Variants in KSR1 observed in about 807,000 individuals in gnomAD.
KSR1 encodes kinase suppressor of ras 1, also known as kinase suppressor of ras.
Under a neutral mutation model 92.9 loss-of-function variants are expected in KSR1, and 35 were observed. That is an observed-to-expected ratio of 0.38 (90% CI 0.29 to 0.50). KSR1 has a LOEUF of 0.50. Among genes scored for constraint, KSR1 ranks in the 20% least tolerant of loss-of-function variants. The pLI is 0.94. For missense variants in KSR1, 972 were observed against 1,158.5 expected (o/e 0.84, Z 2.34); for synonymous variants, 467 against 472.6 (o/e 0.99, Z 0.15).
At chr17:27,525,934 C>T (rs926816982) in intron 1 of KSR1, among the ~76,000 whole-genome samples, 1 of 151,986 alleles carries the variant, frequency 6.6e-6, no homozygotes, top group African/African-American at 2.4e-5. Context: ...GAACAGTTTG[C>T]GTGGAAGGTG....
chr17:27,458,728 T>C (rs976707783), intron 1 of KSR1, among the ~76,000 whole-genome samples: 2 of 152,142 alleles, frequency 1.3e-5, no homozygotes, highest in Admixed American at 6.5e-5. Flanking sequence ...TGATGTGGAT[T>C]CGGGTTCACT....
intron 10 of KSR1, among the ~76,000 whole-genome samples, chr17:27,598,166 C>T (rs1400819114): frequency 6.6e-6 from 1 of 152,176 alleles, no homozygotes; most frequent in Non-Finnish European, 1.5e-5. Flanking sequence ...TGGGACTGAG[C>T]TGCTGCCTCG....
At chr17:27,597,046 G>A (rs2073366126) in intron 9 of KSR1, among the ~76,000 whole-genome samples, 1 of 152,242 alleles carries the variant, frequency 6.6e-6, no homozygotes, top group Non-Finnish European at 1.5e-5. Context: ...GTGTGCTTGA[G>A]CTGAAATCAG....
intron 1 of KSR1, among the ~76,000 whole-genome samples, chr17:27,535,242 T>G (rs960289425): frequency 6.6e-6 from 1 of 152,210 alleles, no homozygotes; most frequent in African/African-American, 2.4e-5. Context: ...AGCCTTGGTT[T>G]GCAGTGAGGA....
intron 1 of KSR1, among the ~76,000 whole-genome samples, chr17:27,478,068 G>A (rs2068398398): frequency 6.6e-6 from 1 of 152,184 alleles, no homozygotes; most frequent in Admixed American, 6.5e-5. Context: ...AAAGGAAGGA[G>A]TTCTTCTTTC....
chr17:27,605,696 A>G lies in KSR1; in HGVS notation c.1877A>G (p.Gln626Arg), dbSNP rs948358242. The G allele has an allele frequency of 6.2e-7, 1 of 1,612,982 alleles. No homozygotes were observed. Among genetic ancestry groups the G allele is most frequent in the African/African-American group, 1.3e-5 (1 of 75,080 alleles). ...CTGCTGGAGATGGACGGCCACAACC[A>G]GGACCACCTGAAGCTCTTCAAGAAA... Reference protein sequence around the residue: ...IRLLEMDGHNQDHLKLFKKEV... With the variant: ...IRLLEMDGHNRDHLKLFKKEV... Residue 626 changes from glutamine to arginine, a missense_variant, in exon 14 of 21, where the codon CAG becomes CGG. Around this residue, in one of 5 missense-constraint regions of KSR1, gnomAD observed 260 missense variants for 375.2 expected, o/e 0.69. Transcript: ENST00000644974.
intron 2 of KSR1, among the ~76,000 whole-genome samples, chr17:27,564,051 C>T (rs185914574): frequency 1.2e-3 from 156 of 127,662 alleles, no homozygotes; most frequent in African/African-American, 4.2e-3. Flanking sequence ...TGCAATGGCA[C>T]GATCTCGGCT....
intron 19 of KSR1, 67 bp from the exon 20 acceptor site, chr17:27,621,126 C>T: frequency 2.5e-6 from 1 of 398,606 alleles, no homozygotes; most frequent in East Asian, 3.6e-5. Context: ...GTGCCTGACT[C>T]CATCACATGC....
chr17:27,514,063 G>A (rs546185751), intron 1 of KSR1, among the ~76,000 whole-genome samples: 22 of 152,370 alleles, frequency 1.4e-4, no homozygotes, highest in African/African-American at 4.1e-4. Flanking sequence ...CCATTGTGGC[G>A]CTAACGCCTT....
At chr17:27,552,941 C>T in intron 2 of KSR1, among the ~76,000 whole-genome samples, 1 of 152,142 alleles carries the variant, frequency 6.6e-6, no homozygotes, top group Non-Finnish European at 1.5e-5. Flanking sequence ...GACCATTTTC[C>T]CCACCTCACA....
chr17:27,558,365 C>G (rs1296370668), intron 2 of KSR1, among the ~76,000 whole-genome samples: 1 of 149,518 alleles, frequency 6.7e-6, no homozygotes, highest in Non-Finnish European at 1.5e-5. Flanking sequence ...CATAAAAATT[C>G]ATGTTATCCT....
intron 3 of KSR1, among the ~76,000 whole-genome samples, chr17:27,580,486 C>T (rs1252049790): frequency 1.3e-5 from 2 of 152,174 alleles, no homozygotes; most frequent in African/African-American, 4.8e-5. Context: ...GCTTGACCAC[C>T]TCTGATGGAG....
At chr17:27,617,228 C>T (rs576640475) in intron 18 of KSR1, 67 bp from the exon 19 acceptor site, 39 of 1,483,234 alleles carry the variant, frequency 2.6e-5, no homozygotes, top group Non-Finnish European at 9.1e-7. Flanking sequence ...CTTTGTGGAG[C>T]ACCCCTACTG....
chr17:27,521,469 G>A (rs1216492298), intron 1 of KSR1, among the ~76,000 whole-genome samples: 3 of 149,810 alleles, frequency 2.0e-5, no homozygotes, highest in African/African-American at 7.4e-5. Flanking sequence ...GGATCACAGG[G>A]TCTAGCTCCA....
At chr17:27,476,447 C>T (rs1010662798) in intron 1 of KSR1, among the ~76,000 whole-genome samples, 5 of 152,132 alleles carry the variant, frequency 3.3e-5, no homozygotes, top group African/African-American at 7.2e-5. Flanking sequence ...AGTGCTGGGG[C>T]GCTGCCGGTG....
chr17:27,496,593 C>T (rs907763527), intron 1 of KSR1, among the ~76,000 whole-genome samples: 4 of 152,096 alleles, frequency 2.6e-5, no homozygotes, highest in East Asian at 1.9e-4. Context: ...TGCCCCAGAG[C>T]GAGAATCTGA....
chr17:27,581,421 C>T (rs1172618456), intron 3 of KSR1, among the ~76,000 whole-genome samples: 1 of 152,120 alleles, frequency 6.6e-6, no homozygotes, highest in Non-Finnish European at 1.5e-5. Flanking sequence ...CATCCCTTGC[C>T]TCTCCCCAGC....
chr17:27,457,117 G>A (rs1446733900), intron 1 of KSR1, among the ~76,000 whole-genome samples: 2 of 151,882 alleles, frequency 1.3e-5, no homozygotes, highest in Non-Finnish European at 2.9e-5. Context: ...CCCGTGCGGG[G>A]TGGGCTGCGC....
At position 27,479,915 on chromosome 17, in the gene KSR1, A is replaced by G. The variant is rs907199214; in HGVS notation, c.231+23041A>G. Reference sequence around the variant, plus strand: ...TGCGGGGGCACCTGGGTTGGACCATATTCTCTCGGGTGTGTGTGAATGTAT... The same window carrying G: ...TGCGGGGGCACCTGGGTTGGACCATGTTCTCTCGGGTGTGTGTGAATGTAT... On this transcript the variant is annotated intron_variant, in intron 1 of 20. Coordinates refer to ENST00000644974, the MANE Select transcript of KSR1 (RefSeq NM_001394583.1). Among the ~76,000 whole-genome samples the G allele has an allele frequency of 2.0e-5, 3 of 152,100 alleles. No homozygotes were observed. The East Asian group carries it at 5.8e-4, about 29-fold the overall frequency.
Sources: allele counts gnomAD v4.1 joint callset (sites outside exome capture counted in the v4.1 genomes callset), GRCh38; gene constraint gnomAD v4.1.1; regional missense constraint gnomAD v4.1.1; transcripts MANE v1.5; gene names NCBI Gene and HGNC (gene_info 2026-07-23, HGNC 2026-07-21).